The following ANK3 variants were observed in gnomAD, a reference collection of about 807,000 sequenced individuals.
The protein encoded by ANK3 is ankyrin 3.
A neutral mutation model predicts 370.9 loss-of-function variants in ANK3; 57 were observed. The ratio of observed to expected loss-of-function variants is 0.15; its 90% confidence interval spans 0.12 to 0.19. ANK3 has a LOEUF of 0.19. ANK3 is among the 10% of genes least tolerant of loss of function. The pLI is 1.00. For missense variants in ANK3, 4,439 were observed against 5,302.1 expected (o/e 0.84, Z 5.06); for synonymous variants, 1,929 against 1,946.3 (o/e 0.99, Z 0.23).
At chr10:60,152,731 C>T (rs1441543921) in intron 23 of ANK3, among the ~76,000 whole-genome samples, 2 of 152,052 alleles carry the variant, frequency 1.3e-5, no homozygotes, top group Admixed American at 1.3e-4. Flanking sequence ...TACATTTTAG[C>T]AAACTGTTAT....
chr10:60,330,875 A>G (rs901918871), intron 1 of ANK3, among the ~76,000 whole-genome samples: 2 of 152,224 alleles, frequency 1.3e-5, no homozygotes, highest in Non-Finnish European at 2.9e-5. Flanking sequence ...CCAAATGCCC[A>G]TCAATGTTAG....
chr10:60,626,076 T>A (rs1175650883), intron 1 of ANK3, among the ~76,000 whole-genome samples: 1 of 152,158 alleles, frequency 6.6e-6, no homozygotes, highest in Non-Finnish European at 1.5e-5. Flanking sequence ...GGGAGACTGA[T>A]GAATCCTCTG....
chr10:60,531,400 T>A (rs1203369383), intron 2 of ANK3, among the ~76,000 whole-genome samples: 1 of 152,094 alleles, frequency 6.6e-6, no homozygotes, highest in African/African-American at 2.4e-5. Flanking sequence ...TTTGTAAACA[T>A]AAATATCTCT....
intron 1 of ANK3, among the ~76,000 whole-genome samples, chr10:60,344,012 T>A (rs1226918491): frequency 6.6e-6 from 1 of 152,208 alleles, no homozygotes; most frequent in African/African-American, 2.4e-5. Context: ...CTAGCATGCT[T>A]ACTCCTTTTT....
At chr10:60,226,523 CT>C (rs1259625611) in intron 8 of ANK3, among the ~76,000 whole-genome samples, 48 of 53,882 alleles carry the variant, frequency 8.9e-4, no homozygotes, top group African/African-American at 3.7e-3. Flanking sequence ...AGTATATATA[CT>C]ATAGTATATA....
Position 60,389,415 on chromosome 10 carries a change from A to G in ANK3, c.114+10T>C. 6.2e-7 allele frequency: 1 copy of G among 1,613,000 alleles called. No individual in the cohort carries two copies. Among genetic ancestry groups the G allele is most frequent in the Non-Finnish European group, 8.5e-7 (1 of 1,179,324 alleles). On this transcript the variant is annotated intron_variant, in intron 1 of 43. Transcript: ENST00000280772. ...CCAGGCAAGATATATGCTCTGGCATACATAGATACCTTTTTCTTCCGATCC... is the reference window on the plus strand; with the variant it reads ...CCAGGCAAGATATATGCTCTGGCATGCATAGATACCTTTTTCTTCCGATCC...
chr10:60,358,933 T>TA (rs1229117071), intron 1 of ANK3, among the ~76,000 whole-genome samples: 1 of 152,132 alleles, frequency 6.6e-6, no homozygotes, highest in Non-Finnish European at 1.5e-5. Flanking sequence ...CCACCCTAAA[T>TA]AAATAAAGCA....
chr10:60,466,574 C>T (rs1428468331), intron 2 of ANK3, among the ~76,000 whole-genome samples: 2 of 151,974 alleles, frequency 1.3e-5, no homozygotes, highest in Non-Finnish European at 2.9e-5. Context: ...AGATATATAC[C>T]CTCCAAAACT....
At chr10:60,266,315 G>C (rs924872318) in intron 5 of ANK3, among the ~76,000 whole-genome samples, 4 of 152,104 alleles carry the variant, frequency 2.6e-5, no homozygotes, top group Non-Finnish European at 5.9e-5. Flanking sequence ...AAGCAATCGG[G>C]TAAAATGTTA....
chr10:60,572,513 T>C, intron 2 of ANK3: 2 of 1,535,932 alleles, frequency 1.3e-6, no homozygotes, highest in Non-Finnish European at 1.7e-6. Context: ...TTTTCTCCTT[T>C]GGTTCTTCAC....
intron 2 of ANK3, among the ~76,000 whole-genome samples, chr10:60,611,382 T>C (rs955497860): frequency 6.6e-6 from 1 of 152,160 alleles, no homozygotes; most frequent in African/African-American, 2.4e-5. Flanking sequence ...CTCGCACTTC[T>C]GAACCTAACA....
At chr10:60,641,119 G>C (rs1365468802) in intron 1 of ANK3, among the ~76,000 whole-genome samples, 1 of 149,658 alleles carries the variant, frequency 6.7e-6, no homozygotes, top group Non-Finnish European at 1.5e-5. Context: ...CACTGCTCAA[G>C]GAAATAAAAG....
intron 2 of ANK3, among the ~76,000 whole-genome samples, chr10:60,452,828 G>A (rs989459696): frequency 6.6e-5 from 10 of 152,026 alleles, no homozygotes; most frequent in African/African-American, 2.4e-4. Flanking sequence ...TTGTTCTGTG[G>A]CTACTGGAAA....
intron 42 of ANK3, among the ~76,000 whole-genome samples, chr10:60,050,336 G>C (rs1295315245): frequency 6.6e-6 from 1 of 152,082 alleles, no homozygotes; most frequent in South Asian, 2.1e-4. Context: ...TTTAGACAAC[G>C]ATTTATTTTC....
chr10:60,223,754 G>A (rs1334397929), intron 8 of ANK3, among the ~76,000 whole-genome samples: 1 of 152,148 alleles, frequency 6.6e-6, no homozygotes, highest in Non-Finnish European at 1.5e-5. Context: ...GATAGAATAA[G>A]TGACTTGTAA....
chr10:60,059,686 G>T lies in ANK3; in HGVS notation c.12596-256C>A, dbSNP rs748748302. The T allele has an allele frequency of 3.1e-5, 49 of 1,603,098 alleles. No individual in the cohort carries two copies. The East Asian group carries it at 1.1e-3, about 35-fold the overall frequency. ...GACCCAGCCAAATTTCCAAGGTATTGAGGATACTCACTCAGACATACATTC... is the reference window on the plus strand; with the variant it reads ...GACCCAGCCAAATTTCCAAGGTATTTAGGATACTCACTCAGACATACATTC... On this transcript the variant is annotated intron_variant, in intron 40 of 43. Transcript: ENST00000280772.
chr10:60,558,742 G>A (rs1194716759), intron 2 of ANK3, among the ~76,000 whole-genome samples: 2 of 152,102 alleles, frequency 1.3e-5, no homozygotes, highest in Non-Finnish European at 2.9e-5. Context: ...ATATAATTCA[G>A]TATGTTCTGT....
intron 2 of ANK3, among the ~76,000 whole-genome samples, chr10:60,464,638 AT>A (rs2064968275): frequency 6.6e-6 from 1 of 152,214 alleles, no homozygotes; most frequent in Non-Finnish European, 1.5e-5. Flanking sequence ...AAGATGGAAT[AT>A]TTTTGCTCTA....
intron 16 of ANK3, among the ~76,000 whole-genome samples, chr10:60,190,669 C>T (rs4245586): frequency 0.39 from 58,692 of 151,958 alleles, 13,444 homozygotes; most frequent in Non-Finnish European, 0.5. Flanking sequence ...GAGGGAAAAG[C>T]CAAAGATTCA....
Sources: allele counts gnomAD v4.1 joint callset (sites outside exome capture counted in the v4.1 genomes callset), GRCh38; gene constraint gnomAD v4.1.1; transcripts MANE v1.5; gene names NCBI Gene and HGNC (gene_info 2026-07-23, HGNC 2026-07-21).